HELQ: variants seen among roughly 807,000 people sequenced by gnomAD.
HELQ encodes the protein helicase POLQ-like.
A neutral mutation model predicts 111.6 loss-of-function variants in HELQ; 77 were observed. The ratio of observed to expected loss-of-function variants is 0.69; its 90% CI spans 0.57 to 0.83. The LOEUF is 0.83. HELQ is among the 40% of genes least tolerant of loss of function. The probability of loss-of-function intolerance (pLI) is 0.00; values close to 1 mark genes in which losing one functional copy is unlikely to be tolerated. For missense variants in HELQ, 1,200 were observed against 1,288.5 expected (o/e 0.93, Z 1.05); for synonymous variants, 438 against 454.7 (o/e 0.96, Z 0.47).
Position 83,426,083 on chromosome 4 carries a change from G to A in HELQ, c.2686C>T (p.Leu896Phe). The A allele has an allele frequency of 6.3e-7, 1 of 1,593,030 alleles. No homozygotes were observed. Among genetic ancestry groups the A allele is most frequent in the South Asian group, 1.1e-5 (1 of 89,466 alleles). The change falls in exon 14 of 18, where the codon CTC becomes TTC. Residue 896 changes from leucine to phenylalanine, a missense_variant. By Grantham distance (22) the Leu-to-Phe change is conservative. Coordinates refer to ENST00000295488, the MANE Select transcript of HELQ (RefSeq NM_133636.5). ...GCTACATTTTGTTCTGCTGGACTGA[G>A]TTGGCTAAACTACATGGAAAAAGAG... is the stretch of plus-strand genomic sequence containing the variant. ...WMIYFRQFSQ[L>F]SPAEQNVAAI...
In HELQ at chr4:83,425,990, G is replaced by T. The variant is rs749062174; in HGVS notation, c.2775+4C>A. ...TATTTAGGAAGAAAAAAAGAATGTG[G>T]TACCTTTCCGATGGCTTGGCCTGAT... On this transcript the variant is annotated splice_donor_region_variant and intron_variant, in intron 14 of 17. Coordinates refer to ENST00000295488, the MANE Select transcript of HELQ (RefSeq NM_133636.5). 4 of 1,516,782 alleles carry T rather than the reference G, an allele frequency of 2.6e-6. No homozygotes were observed. Among genetic ancestry groups the T allele is most frequent in the Non-Finnish European group, 2.7e-6 (3 of 1,096,360 alleles). 94.0% of individuals were successfully genotyped at this position (1,516,782 alleles called of 1,614,324 possible). A position where few individuals can be genotyped will look rare whatever the true frequency, so the allele number is the denominator to read the frequency against.
In HELQ at chr4:83,455,680, C is replaced by G. The variant is rs1370480140; in HGVS notation, c.14G>C (p.Gly5Ala). The G allele has an allele frequency of 3.1e-6, 5 of 1,607,828 alleles. No individual in the cohort carries two copies. In the Middle Eastern group the frequency reaches 5.0e-4, roughly 160 times the overall value. Residue 5 changes from glycine to alanine, a missense_variant, in exon 1 of 18, where the codon GGT becomes GCT. Around this residue, in one of 3 missense-constraint regions of HELQ, gnomAD observed 610 missense variants for 607.1 expected, o/e 1.00. Transcript: ENST00000295488. ...AGACACCCGCCGGCGGATGCGGGAA[C>G]CACATTCATCCATGGCAAGGACCCA... Reference protein sequence around the residue: MDECGSRIRRRVSLP... With the variant: MDECASRIRRRVSLP...
At chr4:83,447,597 G>T (rs1393394414) in intron 3 of HELQ, among the ~76,000 whole-genome samples, 1 of 152,116 alleles carries the variant, frequency 6.6e-6, no homozygotes, top group Non-Finnish European at 1.5e-5. Flanking sequence ...GTTGGCTCAT[G>T]CCTGTAATCT....
Position 83,416,707 on chromosome 4 carries a change from T to C in HELQ, c.3198+24A>G, listed in dbSNP as rs367972676. 982 of 1,608,876 alleles carry C rather than the reference T, an allele frequency of 6.1e-4. 1 individual carries two copies. Among genetic ancestry groups the C allele is most frequent in the Non-Finnish European group, 7.8e-4 (916 of 1,178,140 alleles). Reference sequence around the variant, plus strand: ...ATAACACTACGCAAGATTATTAAGGTTAAAAAATGGTTTGTTTGCTTACCT... The same window carrying C: ...ATAACACTACGCAAGATTATTAAGGCTAAAAAATGGTTTGTTTGCTTACCT... On this transcript the variant is annotated intron_variant, in intron 17 of 17. Transcript: ENST00000295488.
chr4:83,434,833 TAAG>T (rs2109992300), intron 9 of HELQ, among the ~76,000 whole-genome samples: 1 of 151,906 alleles, frequency 6.6e-6, no homozygotes, highest in East Asian at 1.9e-4. Flanking sequence ...GAAAAATGTG[TAAG>T]AAAAGAGATA....
Position 83,423,918 on chromosome 4 carries a change from CA to C in HELQ, c.2775+2075del, listed in dbSNP as rs879285747. Among the ~76,000 whole-genome samples, 1,106 of 129,780 alleles carry C rather than the reference CA, an allele frequency of 8.5e-3. 1 individual carries two copies. The highest frequency in any genetic ancestry group is 0.049 in the Middle Eastern group (12 of 246). 85.1% of individuals were successfully genotyped at this position (129,780 alleles called of 152,430 possible). On this transcript the variant is annotated intron_variant, in intron 14 of 17. Transcript: ENST00000295488. Reference sequence around the variant, plus strand: ...GGGCGACAAGAGCGAGACTCTGTATCAAAAAAAAAAAAAATCTTTTGCAAGA... The same window carrying C: ...GGGCGACAAGAGCGAGACTCTGTATCAAAAAAAAAAAAATCTTTTGCAAGA...
intron 12 of HELQ, among the ~76,000 whole-genome samples, chr4:83,428,245 GGTA>G (rs2109983219): frequency 6.6e-6 from 1 of 150,500 alleles, no homozygotes; most frequent in South Asian, 2.1e-4. Context: ...ATATCAAACT[GGTA>G]GTAGTAGCTC....
intron 11 of HELQ, among the ~76,000 whole-genome samples, chr4:83,431,192 G>A (rs746099823): frequency 6.8e-6 from 1 of 147,616 alleles, no homozygotes; most frequent in Non-Finnish European, 1.5e-5. Context: ...TAAGGTGGGA[G>A]GACTGTTGAG....
intron 17 of HELQ, among the ~76,000 whole-genome samples, chr4:83,412,317 C>A (rs772729368): frequency 6.6e-6 from 1 of 152,208 alleles, no homozygotes; most frequent in Non-Finnish European, 1.5e-5. Context: ...CACACTCGGA[C>A]TTGATTTAGA....
chr4:83,409,420 G>T lies in HELQ; in HGVS notation c.3199-1860C>A, dbSNP rs1466225717. ...AAAAAAAAATTTAGCCAGGCAAGGTGGCCGGCGCCTGTAGTCCGAGCTACT... is the reference window on the plus strand; with the variant it reads ...AAAAAAAAATTTAGCCAGGCAAGGTTGCCGGCGCCTGTAGTCCGAGCTACT... On this transcript the variant is annotated intron_variant, in intron 17 of 17. Coordinates refer to ENST00000295488, the MANE Select transcript of HELQ (RefSeq NM_133636.5). 1.5e-4 allele frequency among the ~76,000 whole-genome samples: 23 copies of T among 152,104 alleles called. No homozygotes were observed. In the South Asian group the frequency reaches 2.9e-3, roughly 19 times the overall value.
chr4:83,421,067 T>G (rs1486240179), intron 15 of HELQ, among the ~76,000 whole-genome samples: 1 of 152,150 alleles, frequency 6.6e-6, no homozygotes, highest in Non-Finnish European at 1.5e-5. Context: ...TGCCTCAGCC[T>G]CCCAAAGTGC....
Position 83,431,489 on chromosome 4 carries a change from A to G in HELQ, c.2295+175T>C, listed in dbSNP as rs560915693. On this transcript the variant is annotated intron_variant, in intron 11 of 17. Transcript: ENST00000295488. ...TGATCTTTTAAAAATTATTTACATT[A>G]ATCACTGAAGGGGATGAGAAAACAA... Among the ~76,000 whole-genome samples, 5 of 152,210 alleles carry G rather than the reference A, an allele frequency of 3.3e-5. No individual in the cohort carries two copies. In the East Asian group the frequency reaches 9.6e-4, roughly 29 times the overall value.
intron 14 of HELQ, among the ~76,000 whole-genome samples, chr4:83,424,084 A>G (rs1457962676): frequency 1.3e-5 from 2 of 152,190 alleles, no homozygotes; most frequent in Non-Finnish European, 2.9e-5. Flanking sequence ...TAATTAATCC[A>G]TTTGTAATTA....
rs1020127866 is a variant in HELQ, at chr4:83,455,203, A to G, written c.297+194T>C. ...ATGCCACTTAACTGCTGCGTGCACAACTTTTATGTCTCGGGGTTTACATTT... is the reference window on the plus strand; with the variant it reads ...ATGCCACTTAACTGCTGCGTGCACAGCTTTTATGTCTCGGGGTTTACATTT... On this transcript the variant is annotated intron_variant, in intron 1 of 17. Transcript: ENST00000295488. 8 of 1,222,514 alleles carry G rather than the reference A, an allele frequency of 6.5e-6. No individual in the cohort carries two copies. The East Asian group carries it at 2.1e-4, about 33-fold the overall frequency. 75.7% of individuals were successfully genotyped at this position (1,222,514 alleles called of 1,614,324 possible). A position where few individuals can be genotyped will look rare whatever the true frequency, so the allele number is the denominator to read the frequency against.
At chr4:83,427,768 C>A (rs748504416) in intron 12 of HELQ, 48 bp from the exon 13 acceptor site, 1 of 1,311,702 alleles carries the variant, frequency 7.6e-7, no homozygotes, top group Non-Finnish European at 1.0e-6. Context: ...ACCAGAGGGG[C>A]AAAGAGATGG....
Position 83,413,161 on chromosome 4 carries a change from T to C in HELQ, c.3198+3570A>G, listed in dbSNP as rs897856037. ...ATACCTTGACCTATGAATCTCTTCA[T>C]CTGTATCTTTGTGATATCCTTTATT... On this transcript the variant is annotated intron_variant, in intron 17 of 17. Coordinates refer to ENST00000295488, the MANE Select transcript of HELQ (RefSeq NM_133636.5). Among the ~76,000 whole-genome samples the C allele has an allele frequency of 2.6e-5, 4 of 152,238 alleles. No homozygotes were observed. In the South Asian group the frequency reaches 6.2e-4, roughly 24 times the overall value.
At chr4:83,443,668 A>G in intron 5 of HELQ, 54 bp from the exon 6 acceptor site, 1 of 733,904 alleles carries the variant, frequency 1.4e-6, no homozygotes, top group South Asian at 1.8e-5. Flanking sequence ...GTTATTTAAT[A>G]TATCATAAAG....
At position 83,453,363 on chromosome 4, in the gene HELQ, G is replaced by A. The variant is rs1450269831; in HGVS notation, c.880C>T (p.Leu294Phe). Residue 294 changes from leucine (L) to phenylalanine (F), a missense_variant, in exon 2 of 18, where the codon CTC becomes TTC. Around this residue, in one of 3 missense-constraint regions of HELQ, gnomAD observed 610 missense variants for 607.1 expected, o/e 1.00. Coordinates refer to ENST00000295488, the MANE Select transcript of HELQ (RefSeq NM_133636.5). ...GCAACATTAATTTCCTCAGATAGGAGAGTGTCTTTGAGCTGTTTACTTCTA... is the reference window on the plus strand; with the variant it reads ...GCAACATTAATTTCCTCAGATAGGAAAGTGTCTTTGAGCTGTTTACTTCTA... The part of the protein sequence containing the change: ...FSRSKQLKDT[L>F]LSEEINVAKK... 4 of 1,612,232 alleles carry A rather than the reference G, an allele frequency of 2.5e-6. No homozygotes were observed. Among genetic ancestry groups the A allele is most frequent in the Non-Finnish European group, 3.4e-6 (4 of 1,179,546 alleles).
intron 10 of HELQ, 108 bp from the exon 11 acceptor site, chr4:83,431,876 C>A: frequency 1.9e-6 from 1 of 514,910 alleles, no homozygotes; most frequent in Non-Finnish European, 3.2e-6. Context: ...AGAAGGAGAC[C>A]AAAAAAGTAA....
Sources: allele counts gnomAD v4.1 joint callset (sites outside exome capture counted in the v4.1 genomes callset), GRCh38; gene constraint gnomAD v4.1.1; regional missense constraint gnomAD v4.1.1; transcripts MANE v1.5; gene names NCBI Gene and HGNC (gene_info 2026-07-23, HGNC 2026-07-21).